ZBTB7C: variants seen among roughly 807,000 people sequenced by gnomAD.
The protein encoded by ZBTB7C is zinc finger and BTB domain-containing protein 7C.
A neutral mutation model predicts 25.7 loss-of-function variants in ZBTB7C; 8 were observed. The ratio of observed to expected loss-of-function variants is 0.31; its 90% CI spans 0.18 to 0.56. The LOEUF (loss-of-function observed/expected upper bound fraction) is 0.56, where lower values mean the gene tolerates loss of function less well. Among genes scored for constraint, ZBTB7C ranks in the 20% least tolerant of loss-of-function variants. The pLI is 0.91. For synonymous variants in ZBTB7C, 394 were observed against 369.0 expected (o/e 1.07, Z -0.78); for missense variants, 824 against 855.2 (o/e 0.96, Z 0.46).
intron 3 of ZBTB7C, among the ~76,000 whole-genome samples, chr18:48,167,506 A>G (rs2041291511): frequency 6.6e-6 from 1 of 151,886 alleles, no homozygotes; most frequent in South Asian, 2.1e-4. Flanking sequence ...CTCAGCACAG[A>G]CCTAACACTT....
intron 2 of ZBTB7C, among the ~76,000 whole-genome samples, chr18:48,241,728 G>T (rs1230630825): frequency 2.0e-5 from 3 of 152,132 alleles, no homozygotes; most frequent in Non-Finnish European, 4.4e-5. Context: ...AAAGTTCATT[G>T]CATTAAATGC....
upstream of ZBTB7C, among the ~76,000 whole-genome samples, chr18:48,409,783 G>A (rs1016712508): frequency 1.3e-5 from 2 of 152,112 alleles, no homozygotes; most frequent in African/African-American, 4.8e-5. Flanking sequence ...GGGGCTCCGC[G>A]TCTTTTCTCT....
intron 2 of ZBTB7C, among the ~76,000 whole-genome samples, chr18:48,200,229 C>T (rs1013134451): frequency 3.9e-5 from 6 of 152,094 alleles, no homozygotes; most frequent in Non-Finnish European, 1.5e-5. Context: ...GGAGTAGGCA[C>T]GGTGACCCCA....
chr18:48,353,882 G>A (rs1331091749), intron 1 of ZBTB7C, among the ~76,000 whole-genome samples: 2 of 152,188 alleles, frequency 1.3e-5, no homozygotes, highest in African/African-American at 2.4e-5. Context: ...GCCCAGGAGG[G>A]GGGTCCAAAG....
chr18:48,242,926 G>C (rs1032512669), intron 2 of ZBTB7C, among the ~76,000 whole-genome samples: 1 of 152,032 alleles, frequency 6.6e-6, no homozygotes, highest in Non-Finnish European at 1.5e-5. Context: ...CTCACTGCTG[G>C]TATGATCCTA....
chr18:48,283,059 T>A (rs1035827290), intron 2 of ZBTB7C, among the ~76,000 whole-genome samples: 9 of 152,234 alleles, frequency 5.9e-5, no homozygotes, highest in African/African-American at 2.2e-4. Flanking sequence ...AGGGTGCAGA[T>A]AAATTAATAC....
rs113700422 is a variant in ZBTB7C, at chr18:48,085,159, G to C, written c.-16-44036C>G. Among the ~76,000 whole-genome samples, 867 of 152,182 alleles carry C rather than the reference G, an allele frequency of 5.7e-3. 7 individuals are homozygous for C. Among genetic ancestry groups the C allele is most frequent in the African/African-American group, 0.02 (845 of 41,520 alleles). On this transcript the variant is annotated intron_variant, in intron 3 of 4. Transcript: ENST00000590800. ...TGCTGGGCTTTACGGCAGGGCGGGT[G>C]GGGGTAGGTAAAAAGGCGAAGAAGA... is the stretch of plus-strand genomic sequence containing the variant.
chr18:48,392,652 C>T (rs764256986), intron 1 of ZBTB7C, among the ~76,000 whole-genome samples: 4 of 152,172 alleles, frequency 2.6e-5, no homozygotes, highest in Non-Finnish European at 2.9e-5. Flanking sequence ...AGAATCTCTC[C>T]CCTATCCCAC....
chr18:48,284,582 A>T (rs1164835943), intron 2 of ZBTB7C, among the ~76,000 whole-genome samples: 1 of 152,092 alleles, frequency 6.6e-6, no homozygotes, highest in African/African-American at 2.4e-5. Flanking sequence ...TTACTTGAGG[A>T]CAGGTGCTTG....
intron 3 of ZBTB7C, among the ~76,000 whole-genome samples, chr18:48,151,976 G>A (rs1344753773): frequency 2.0e-5 from 3 of 152,208 alleles, no homozygotes; most frequent in Non-Finnish European, 4.4e-5. Context: ...AGGCCAGCCA[G>A]CCCTGTCACA....
intron 3 of ZBTB7C, among the ~76,000 whole-genome samples, chr18:48,111,829 AAC>A (rs1482617130): frequency 2.0e-5 from 3 of 152,220 alleles, no homozygotes. Context: ...AGAAAACATA[AAC>A]ACAGTTTTTG....
chr18:48,264,045 A>C (rs1348265007), intron 2 of ZBTB7C, among the ~76,000 whole-genome samples: 1 of 152,204 alleles, frequency 6.6e-6, no homozygotes, highest in Non-Finnish European at 1.5e-5. Context: ...TCTATAACCT[A>C]GTAATCCCAC....
intron 2 of ZBTB7C, among the ~76,000 whole-genome samples, chr18:48,317,257 CAAAA>C (rs71165318): frequency 1.4e-5 from 1 of 69,436 alleles, no homozygotes. Flanking sequence ...AACTCCGTCT[CAAAA>C]AAAAAAAAAA....
At chr18:48,071,806 C>T (rs2037553345) in intron 3 of ZBTB7C, among the ~76,000 whole-genome samples, 1 of 152,182 alleles carries the variant, frequency 6.6e-6, no homozygotes. Flanking sequence ...ATTATTCAGC[C>T]TTAAAAAGGA....
chr18:48,103,019 G>A (rs1055620964), intron 3 of ZBTB7C, among the ~76,000 whole-genome samples: 2 of 146,396 alleles, frequency 1.4e-5, no homozygotes, highest in African/African-American at 5.0e-5. Context: ...GGAAGGTGTG[G>A]ATATATTATA....
At chr18:48,392,934 T>C (rs1277731121) in intron 1 of ZBTB7C, among the ~76,000 whole-genome samples, 2 of 152,112 alleles carry the variant, frequency 1.3e-5, no homozygotes, top group African/African-American at 2.4e-5. Flanking sequence ...CCAGTGAGTG[T>C]CCCTAGACCT....
rs114169579 is a variant in ZBTB7C, at chr18:48,332,988, A to G, written c.-79+5186T>C. On this transcript the variant is annotated intron_variant, in intron 2 of 4. Transcript: ENST00000590800. ...CTCTAGTGCTCCAATCAGCATAATT[A>G]AATAGTAAGATCTCTCTAGAATTGA... is the stretch of plus-strand genomic sequence containing the variant. Among the ~76,000 whole-genome samples the G allele has an allele frequency of 5.8e-3, 886 of 152,294 alleles. 5 individuals are homozygous for G. Among genetic ancestry groups the G allele is most frequent in the African/African-American group, 0.021 (852 of 41,558 alleles).
In ZBTB7C at chr18:48,328,921, T is replaced by C. The variant is rs191205745; in HGVS notation, c.-79+9253A>G. ...TGACTGATGGAAGATTCCAGACAAGTGTTCATTTAAAGATGAACCATTAAC... is the reference window on the plus strand; with the variant it reads ...TGACTGATGGAAGATTCCAGACAAGCGTTCATTTAAAGATGAACCATTAAC... On this transcript the variant is annotated intron_variant, in intron 2 of 4. Transcript: ENST00000590800. Among the ~76,000 whole-genome samples, 11 of 152,316 alleles carry C rather than the reference T, an allele frequency of 7.2e-5. No individual in the cohort carries two copies. In the East Asian group the frequency reaches 2.1e-3, roughly 29 times the overall value.
At chr18:48,410,894 G>C (rs552224632), upstream of ZBTB7C, 25 of 152,382 alleles carry the variant, frequency 1.6e-4, no homozygotes, top group African/African-American at 5.5e-4. Flanking sequence ...AATCCCGGCC[G>C]CCTAGTGCCC....
Sources: allele counts gnomAD v4.1 joint callset (sites outside exome capture counted in the v4.1 genomes callset), GRCh38; gene constraint gnomAD v4.1.1; transcripts MANE v1.5; gene names NCBI Gene and HGNC (gene_info 2026-07-23, HGNC 2026-07-21).